Variants in ZFPM1 observed in about 807,000 individuals in gnomAD.
ZFPM1 encodes the protein zinc finger protein, FOG family member 1.
In ZFPM1, 28 loss-of-function variants were observed where a neutral mutation model predicts 46.3. The ratio of observed to expected loss-of-function variants is 0.60; its 90% confidence interval spans 0.45 to 0.83. ZFPM1 has a LOEUF of 0.83. Among genes scored for constraint, ZFPM1 ranks in the 40% least tolerant of loss-of-function variants. The pLI, the probability that ZFPM1 is intolerant of heterozygous loss-of-function variation, is 0.00. For missense variants in ZFPM1, 1,878 were observed against 1,432.4 expected (o/e 1.31, Z -5.02); for synonymous variants, 957 against 675.9 (o/e 1.42, Z -6.45).
At chr16:88,475,861 C>A (rs74032887) in intron 1 of ZFPM1, among the ~76,000 whole-genome samples, 77 of 152,326 alleles carry the variant, frequency 5.1e-4, no homozygotes, top group African/African-American at 1.8e-3. Flanking sequence ...TACCCTCGGC[C>A]CCCTGGACGG....
intron 3 of ZFPM1, among the ~76,000 whole-genome samples, chr16:88,489,802 A>G (rs1909455413): frequency 6.6e-6 from 1 of 152,182 alleles, no homozygotes; most frequent in East Asian, 1.9e-4. Context: ...TCATTTATGA[A>G]CGCAGGAAAT....
chr16:88,518,706 CGGATGGAT>C (rs201394717), intron 4 of ZFPM1, among the ~76,000 whole-genome samples: 3 of 101,324 alleles, frequency 3.0e-5, no homozygotes, highest in Admixed American at 1.0e-4. Flanking sequence ...GATTGATGGA[CGGATGGAT>C]GGATGGATGG....
At chr16:88,468,319 C>T (rs920655631) in intron 1 of ZFPM1, among the ~76,000 whole-genome samples, 11 of 152,280 alleles carry the variant, frequency 7.2e-5, no homozygotes, top group Admixed American at 2.0e-4. Flanking sequence ...GCTGAGCACT[C>T]GGGGTGCTCT....
intron 1 of ZFPM1, among the ~76,000 whole-genome samples, chr16:88,476,371 G>A (rs558086846): frequency 3.3e-5 from 5 of 152,236 alleles, no homozygotes; most frequent in Non-Finnish European, 7.4e-5. Context: ...ACTGTGTGCC[G>A]GGCACCGTTC....
chr16:88,455,597 C>A (rs1298088631), intron 1 of ZFPM1, among the ~76,000 whole-genome samples: 1 of 148,374 alleles, frequency 6.7e-6, no homozygotes, highest in African/African-American at 2.5e-5. Flanking sequence ...GAGTGCAGAG[C>A]GGAGGGGGCC....
intron 3 of ZFPM1, among the ~76,000 whole-genome samples, chr16:88,510,280 C>T (rs1471065616): frequency 3.3e-5 from 5 of 152,198 alleles, no homozygotes; most frequent in Non-Finnish European, 5.9e-5. Context: ...CCCAGGCACC[C>T]CCAAAAGGCC....
intron 1 of ZFPM1, among the ~76,000 whole-genome samples, chr16:88,465,986 C>T (rs950707875): frequency 1.2e-4 from 18 of 152,204 alleles, no homozygotes; most frequent in South Asian, 1.0e-3. Context: ...ACCAAGGCCA[C>T]GCAGCTACGA....
In ZFPM1 at chr16:88,525,141, T is replaced by C. The variant is rs1035269407; in HGVS notation, c.403-1673T>C. The stretch of plus-strand genomic sequence containing the variant: ...CTGCGGATGGGCCAAGAGGCAGGGG[T>C]GGCCCAGAGGGGTCCCTGCATACGG... On this transcript the variant is annotated intron_variant, in intron 4 of 9. Coordinates refer to ENST00000319555, the MANE Select transcript of ZFPM1 (RefSeq NM_153813.3). 2.0e-5 allele frequency among the ~76,000 whole-genome samples: 3 copies of C among 152,294 alleles called. No homozygotes were observed. In the South Asian group the frequency reaches 6.2e-4, roughly 32 times the overall value.
Position 88,480,272 on chromosome 16 carries a change from C to A in ZFPM1, c.41-5667C>A, listed in dbSNP as rs1908871907. On this transcript the variant is annotated intron_variant, in intron 1 of 9. Coordinates refer to ENST00000319555, the MANE Select transcript of ZFPM1 (RefSeq NM_153813.3). This position sits in a 1 kb window ranked among gnomAD's most constrained non-coding sequence, Gnocchi z 4.9. ...CTGTGGTGCTCACACTGGCATCTTC[C>A]ACTTTTTGGGGGATGGGGCTGGTCA... Among the ~76,000 whole-genome samples the A allele has an allele frequency of 6.6e-6, 1 of 152,144 alleles. No homozygotes were observed. Among genetic ancestry groups the A allele is most frequent in the Admixed American group, 6.5e-5 (1 of 15,268 alleles).
At chr16:88,474,087 G>A (rs539155475) in intron 1 of ZFPM1, among the ~76,000 whole-genome samples, 7 of 152,354 alleles carry the variant, frequency 4.6e-5, no homozygotes, top group South Asian at 2.1e-4. Flanking sequence ...AGCGCAGGCC[G>A]CACCGATAGG....
At chr16:88,462,378 C>T (rs1307751330) in intron 1 of ZFPM1, among the ~76,000 whole-genome samples, 1 of 152,242 alleles carries the variant, frequency 6.6e-6, no homozygotes, top group Non-Finnish European at 1.5e-5. Context: ...CCGTTCTGCC[C>T]TTCTCCAGAC....
intron 1 of ZFPM1, among the ~76,000 whole-genome samples, chr16:88,461,420 C>T (rs1907885974): frequency 6.6e-6 from 1 of 152,162 alleles, no homozygotes; most frequent in Non-Finnish European, 1.5e-5. Context: ...GGGAGGTGAC[C>T]AGTCTGGGGA....
At chr16:88,493,859 G>A (rs1255807884) in intron 3 of ZFPM1, among the ~76,000 whole-genome samples, 2 of 152,168 alleles carry the variant, frequency 1.3e-5, no homozygotes, top group African/African-American at 4.8e-5. Flanking sequence ...AAAGTTCTGA[G>A]CTCTGTCTGC....
intron 3 of ZFPM1, among the ~76,000 whole-genome samples, chr16:88,494,576 G>C (rs1192188881): frequency 1.3e-5 from 2 of 152,330 alleles, no homozygotes; most frequent in Non-Finnish European, 2.9e-5. Flanking sequence ...GATTCCAGGA[G>C]GGGGTGTCCG....
intron 4 of ZFPM1, among the ~76,000 whole-genome samples, chr16:88,518,730 T>G (rs1417319670): frequency 1.5e-5 from 2 of 133,236 alleles, no homozygotes; most frequent in African/African-American, 6.0e-5. Context: ...GATGGATGGC[T>G]GAGAGGGTGG....
Position 88,469,888 on chromosome 16 carries a change from G to T in ZFPM1, c.41-16051G>T, listed in dbSNP as rs1908335094. 6.6e-6 allele frequency among the ~76,000 whole-genome samples: 1 copy of T among 152,090 alleles called. No homozygotes were observed. Among genetic ancestry groups the T allele is most frequent in the Admixed American group, 6.5e-5 (1 of 15,278 alleles). On this transcript the variant is annotated intron_variant, in intron 1 of 9. Coordinates refer to ENST00000319555, the MANE Select transcript of ZFPM1 (RefSeq NM_153813.3). The surrounding 1 kb of genome is among the most constrained non-coding windows in gnomAD (Gnocchi z 4.3). ...GTGCAGTGCCTCTCACGTGGTGAGG[G>T]TCAGAGGTGCGTGCCCAGCCCAGAG...
chr16:88,534,896 A>G lies in ZFPM1; in HGVS notation c.2938A>G (p.Asn980Asp). The G allele has an allele frequency of 1.3e-6, 2 of 1,564,610 alleles. No individual in the cohort carries two copies. Among genetic ancestry groups the G allele is most frequent in the East Asian group, 2.5e-5 (1 of 39,386 alleles). Residue 980 changes from asparagine (N) to aspartate (D), a missense_variant, in exon 10 of 10, where the codon AAC becomes GAC. By Grantham distance (23) the Asn-to-Asp change is conservative. Coordinates refer to ENST00000319555, the MANE Select transcript of ZFPM1 (RefSeq NM_153813.3). ...NGNHRYCRLC[N>D]IKFSSLSTFI... ...CAACCACCGGTACTGCCGTCTTTGC[A>G]ACATCAAGTTCAGCAGCCTGTCCAC...
In ZFPM1 at chr16:88,492,445, G is replaced by A. The variant is rs187281009; in HGVS notation, c.268+3292G>A. On this transcript the variant is annotated intron_variant, in intron 3 of 9. Coordinates refer to ENST00000319555, the MANE Select transcript of ZFPM1 (RefSeq NM_153813.3). ...TCTGGGGTGGAGGGAGCACCAGCTC[G>A]GACCAAGGGGCACTCTGCACCTTGT... Among the ~76,000 whole-genome samples, 930 of 152,282 alleles carry A rather than the reference G, an allele frequency of 6.1e-3. 5 individuals are homozygous for A. The highest frequency in any genetic ancestry group is 1.0e-2 in the Non-Finnish European group (678 of 68,004).
At chr16:88,501,323 A>G (rs373879687) in intron 3 of ZFPM1, among the ~76,000 whole-genome samples, 49 of 71,824 alleles carry the variant, frequency 6.8e-4, no homozygotes, top group South Asian at 8.3e-4. Flanking sequence ...TGGAGATAGC[A>G]GACATGGGTG....
Sources: gnomAD v4.1 joint callset for allele counts (sites outside exome capture counted in the v4.1 genomes callset) on GRCh38, gnomAD v4.1.1 for gene constraint, Gnocchi (gnomAD v3.1) non-coding constraint, MANE v1.5 for transcripts, NCBI Gene and HGNC (gene_info 2026-07-23, HGNC 2026-07-21) for gene names.